The following CFAP54 variants were observed in gnomAD, a reference collection of about 807,000 sequenced individuals.
The protein encoded by CFAP54 is cilia- and flagella-associated protein 54.
In CFAP54, 290 loss-of-function variants were observed where a neutral mutation model predicts 370.4. That is an observed-to-expected ratio of 0.78 (90% confidence interval 0.71 to 0.86). The LOEUF (loss-of-function observed/expected upper bound fraction) is 0.86. CFAP54 is among the 40% of genes least tolerant of loss of function. CFAP54 has a pLI of 0.00. For missense variants in CFAP54, 3,399 were observed against 3,528.7 expected (o/e 0.96, Z 0.93); for synonymous variants, 1,206 against 1,236.5 (o/e 0.98, Z 0.52).
chr12:96,514,470 C>T (rs888103795), intron 5 of CFAP54, among the ~76,000 whole-genome samples: 4 of 152,144 alleles, frequency 2.6e-5, no homozygotes, highest in Admixed American at 6.5e-5. Flanking sequence ...AAACTTGGCC[C>T]GCAGACTACT....
intron 33 of CFAP54, chr12:96,646,993 C>T (rs1956801643): frequency 6.6e-6 from 1 of 151,924 alleles, no homozygotes; most frequent in African/African-American, 2.4e-5. Flanking sequence ...AGGAGATATA[C>T]CTAATGTTAA....
intron 65 of CFAP54, among the ~76,000 whole-genome samples, chr12:96,827,794 A>ATT (rs1274654957): frequency 9.7e-6 from 1 of 103,498 alleles, no homozygotes; most frequent in African/African-American, 3.8e-5. Flanking sequence ...ATAATATATA[A>ATT]TTATATATAA....
rs758597614 is a variant in CFAP54 at position 96,679,639 on chromosome 12, A to C, written c.5603A>C (p.Asp1868Ala). The part of the protein sequence containing the change: ...RAKALVCVPV[D>A]VTDTLRCFRE... ...AAAGCGCTTGTCTGCGTGCCCGTGG[A>C]CGTGACAGACACCTTGAGGTGTTTT... is the stretch of plus-strand genomic sequence containing the variant. The change falls in exon 40 of 68, where the codon GAC becomes GCC. Residue 1868 changes from aspartate to alanine, a missense_variant. Asp to Ala is a moderately radical substitution (Grantham distance 126, BLOSUM62 -2). Transcript: ENST00000524981. 2 of 1,613,722 alleles carry C rather than the reference A, an allele frequency of 1.2e-6. No homozygotes were observed. The highest frequency in any genetic ancestry group is 1.6e-4 in the Middle Eastern group (1 of 6,062).
At chr12:96,760,580 T>C (rs1040549656) in intron 58 of CFAP54, among the ~76,000 whole-genome samples, 1 of 152,242 alleles carries the variant, frequency 6.6e-6, no homozygotes, top group African/African-American at 2.4e-5. Flanking sequence ...ATGCCTAGAC[T>C]GGAGTGCAGT....
intron 8 of CFAP54, among the ~76,000 whole-genome samples, chr12:96,524,323 A>T (rs6538722): frequency 0.52 from 79,544 of 151,970 alleles, 21,288 homozygotes; most frequent in East Asian, 0.69. Context: ...TAAATAATTA[A>T]AGCTTGTGAT....
intron 48 of CFAP54, among the ~76,000 whole-genome samples, chr12:96,714,104 G>A (rs886510491): frequency 3.9e-5 from 6 of 152,212 alleles, no homozygotes; most frequent in African/African-American, 1.4e-4. Context: ...CGAACAGGGT[G>A]AATATATAAG....
At chr12:96,797,790 A>T (rs1446493419) in intron 63 of CFAP54, among the ~76,000 whole-genome samples, 1 of 151,924 alleles carries the variant, frequency 6.6e-6, no homozygotes, top group Non-Finnish European at 1.5e-5. Flanking sequence ...ATGTTCTTGG[A>T]TATTTAAAAA....
chr12:96,817,367 C>T (rs990700107), intron 64 of CFAP54, among the ~76,000 whole-genome samples: 3 of 151,706 alleles, frequency 2.0e-5, no homozygotes, highest in South Asian at 4.2e-4. Flanking sequence ...GAAATCTAAT[C>T]GTTAAATAAC....
chr12:96,811,093 T>C lies in CFAP54; in HGVS notation c.8851-643T>C, dbSNP rs575341490. Among the ~76,000 whole-genome samples, 7 of 152,284 alleles carry C rather than the reference T, an allele frequency of 4.6e-5. No individual in the cohort carries two copies. The South Asian group carries it at 1.4e-3, about 32-fold the overall frequency. ...GGTTTTGATTGGCAGCTCTGGACAATAGCTTTCTTATATCTGAAATGAAGG... is the reference window on the plus strand; with the variant it reads ...GGTTTTGATTGGCAGCTCTGGACAACAGCTTTCTTATATCTGAAATGAAGG... On this transcript the variant is annotated intron_variant, in intron 63 of 67. Coordinates refer to ENST00000524981, the MANE Select transcript of CFAP54 (RefSeq NM_001306084.2).
rs146203096 is a variant in CFAP54 at position 96,636,920 on chromosome 12, A to T, written c.4316+6269A>T. Among the ~76,000 whole-genome samples the T allele has an allele frequency of 4.7e-3, 717 of 152,330 alleles. 4 individuals are homozygous for T. The highest frequency in any genetic ancestry group is 0.016 in the African/African-American group (680 of 41,582). On this transcript the variant is annotated intron_variant, in intron 32 of 67. Transcript: ENST00000524981. ...TTGAGATAATAAGTCACATGCCAACAATTTACCCCAGTGACATACTTCAGT... is the reference window on the plus strand; with the variant it reads ...TTGAGATAATAAGTCACATGCCAACTATTTACCCCAGTGACATACTTCAGT...
chr12:96,867,679 G>C (rs1049768432), intron 67 of CFAP54, among the ~76,000 whole-genome samples: 1 of 152,204 alleles, frequency 6.6e-6, no homozygotes, highest in Non-Finnish European at 1.5e-5. Context: ...AATACTGCAT[G>C]ATCTCACTTA....
intron 35 of CFAP54, among the ~76,000 whole-genome samples, chr12:96,650,279 A>T (rs1484393536): frequency 6.6e-6 from 1 of 152,094 alleles, no homozygotes; most frequent in Admixed American, 6.6e-5. Flanking sequence ...TGTCAGGCAG[A>T]GGGGGGAAGC....
At chr12:96,683,236 C>T (rs1362674083) in intron 40 of CFAP54, among the ~76,000 whole-genome samples, 1 of 152,096 alleles carries the variant, frequency 6.6e-6, no homozygotes, top group African/African-American at 2.4e-5. Context: ...GCATTAGAAG[C>T]TGTAAAGAAA....
At chr12:96,554,629 G>T in intron 16 of CFAP54, 47 bp from the exon 17 acceptor site, 2 of 1,469,236 alleles carry the variant, frequency 1.4e-6, no homozygotes, top group Admixed American at 2.2e-5. Context: ...ATTTTTGTGT[G>T]TTTTGATAAC....
intron 65 of CFAP54, among the ~76,000 whole-genome samples, chr12:96,821,308 G>A (rs1421087657): frequency 6.6e-6 from 1 of 152,090 alleles, no homozygotes; most frequent in Admixed American, 6.6e-5. Context: ...AGGGTATGGT[G>A]GTGTCTGAAG....
chr12:96,621,425 G>A (rs889268455), intron 26 of CFAP54, among the ~76,000 whole-genome samples, 165 bp from the exon 27 acceptor site: 2 of 149,808 alleles, frequency 1.3e-5, no homozygotes, highest in Non-Finnish European at 3.0e-5. Context: ...TGCACTCAAT[G>A]TGTTAATACG....
At chr12:96,658,143 T>A in intron 37 of CFAP54, 38 bp downstream of exon 37, 1 of 1,572,934 alleles carries the variant, frequency 6.4e-7, no homozygotes, top group Non-Finnish European at 8.6e-7. Context: ...AGTAGAAGAC[T>A]TCATTGAAAA....
intron 23 of CFAP54, among the ~76,000 whole-genome samples, chr12:96,590,042 C>T (rs1281442163): frequency 1.3e-5 from 2 of 152,112 alleles, no homozygotes; most frequent in East Asian, 1.9e-4. Context: ...CCACCATGCC[C>T]GGCCAAGAAA....
chr12:96,562,415 T>C (rs1955824923), intron 17 of CFAP54, among the ~76,000 whole-genome samples: 1 of 151,382 alleles, frequency 6.6e-6, no homozygotes, highest in Non-Finnish European at 1.5e-5. Context: ...GACCCTTTTT[T>C]TGTATTTGCA....
Sources: gnomAD v4.1 joint callset for allele counts (sites outside exome capture counted in the v4.1 genomes callset) on GRCh38, gnomAD v4.1.1 for gene constraint, MANE v1.5 for transcripts, NCBI Gene and HGNC (gene_info 2026-07-23, HGNC 2026-07-21) for gene names.